ADAMTS12: variants seen among roughly 807,000 people sequenced by gnomAD.
The protein encoded by ADAMTS12 is A disintegrin and metalloproteinase with thrombospondin motifs 12.
In ADAMTS12, 118 loss-of-function variants were observed where a neutral mutation model predicts 167.8. The observed-to-expected ratio is 0.70, with a 90% CI of 0.61 to 0.82. ADAMTS12 has a LOEUF of 0.82. Ranked by LOEUF, ADAMTS12 falls within the 40% of genes least tolerant of loss-of-function variation. The pLI, the probability that ADAMTS12 is intolerant of heterozygous loss-of-function variation, is 0.00. For missense variants in ADAMTS12, 1,916 were observed against 1,998.8 expected (o/e 0.96, Z 0.79); for synonymous variants, 704 against 716.9 (o/e 0.98, Z 0.29).
At chr5:33,709,572 G>C (rs999264648) in intron 3 of ADAMTS12, among the ~76,000 whole-genome samples, 1 of 152,154 alleles carries the variant, frequency 6.6e-6, no homozygotes, top group African/African-American at 2.4e-5. Flanking sequence ...GGATGGAACT[G>C]GAAGCCATTA....
chr5:33,815,516 T>C (rs915311537), intron 2 of ADAMTS12, among the ~76,000 whole-genome samples: 2 of 152,210 alleles, frequency 1.3e-5, no homozygotes, highest in Non-Finnish European at 2.9e-5. Flanking sequence ...ATCTCAGACT[T>C]CTAGCCTTCA....
intron 3 of ADAMTS12, among the ~76,000 whole-genome samples, chr5:33,684,288 T>C (rs577802400): frequency 6.6e-6 from 1 of 151,078 alleles, no homozygotes; most frequent in Non-Finnish European, 1.5e-5. Flanking sequence ...ACCTATTACA[T>C]TAAATTATGT....
chr5:33,679,919 C>G (rs1362575341), intron 5 of ADAMTS12, among the ~76,000 whole-genome samples: 1 of 152,184 alleles, frequency 6.6e-6, no homozygotes. Context: ...CAGCACTGAA[C>G]CTCACACTCT....
In ADAMTS12 at chr5:33,829,761, G is replaced by A. The variant is rs75474108; in HGVS notation, c.489+51358C>T. Among the ~76,000 whole-genome samples the A allele has an allele frequency of 7.2e-5, 11 of 152,242 alleles. No individual in the cohort carries two copies. In the East Asian group the frequency reaches 1.2e-3, roughly 16 times the overall value. On this transcript the variant is annotated intron_variant, in intron 2 of 23. Coordinates refer to ENST00000504830, the MANE Select transcript of ADAMTS12 (RefSeq NM_030955.4). ...TTCACTTAACTAAGCAGCTGTGGTC[G>A]GAAAGTACAAATTCTCCTTTAAAAA...
chr5:33,840,262 A>G (rs995764032), intron 2 of ADAMTS12: 2 of 152,246 alleles, frequency 1.3e-5, no homozygotes, highest in Non-Finnish European at 2.9e-5. Flanking sequence ...ATCTCAGGTA[A>G]AGATATACAA....
At chr5:33,846,419 C>G (rs988195352) in intron 2 of ADAMTS12, among the ~76,000 whole-genome samples, 1 of 152,236 alleles carries the variant, frequency 6.6e-6, no homozygotes, top group African/African-American at 2.4e-5. Flanking sequence ...ACTTGAAATG[C>G]TGTAATAGCC....
chr5:33,630,678 G>T (rs1024549591), intron 13 of ADAMTS12, 102 bp downstream of exon 13: 11 of 1,245,802 alleles, frequency 8.8e-6, no homozygotes, highest in Non-Finnish European at 1.1e-6. Flanking sequence ...AAACAGATGA[G>T]GTGTAAATGC....
intron 2 of ADAMTS12, among the ~76,000 whole-genome samples, chr5:33,794,715 T>C (rs993421733): frequency 1.3e-5 from 2 of 152,172 alleles, no homozygotes; most frequent in Non-Finnish European, 2.9e-5. Context: ...TGTGAATGTA[T>C]CTCAGCAGCC....
intron 20 of ADAMTS12, among the ~76,000 whole-genome samples, chr5:33,551,684 C>T (rs1261586319): frequency 6.6e-6 from 1 of 152,136 alleles, no homozygotes; most frequent in African/African-American, 2.4e-5. Context: ...ATTAGCATTA[C>T]TCTTTTGTCA....
intron 3 of ADAMTS12, among the ~76,000 whole-genome samples, chr5:33,686,403 G>C (rs2112267630): frequency 6.6e-6 from 1 of 152,230 alleles, no homozygotes; most frequent in Middle Eastern, 3.4e-3. Context: ...AGCTGTCATG[G>C]GTGAGAAGCG....
intron 3 of ADAMTS12, among the ~76,000 whole-genome samples, chr5:33,743,857 C>G (rs544433973): frequency 6.6e-6 from 1 of 152,140 alleles, no homozygotes; most frequent in Non-Finnish European, 1.5e-5. Context: ...AGTCACAACC[C>G]TTGCCACATC....
intron 22 of ADAMTS12, among the ~76,000 whole-genome samples, chr5:33,543,170 G>A (rs1744793301): frequency 6.6e-6 from 1 of 152,150 alleles, no homozygotes; most frequent in South Asian, 2.1e-4. Flanking sequence ...AATAAAAAAT[G>A]ATACAGGGGA....
chr5:33,827,401 T>C (rs1748120348), intron 2 of ADAMTS12, among the ~76,000 whole-genome samples: 1 of 152,016 alleles, frequency 6.6e-6, no homozygotes, highest in African/African-American at 2.4e-5. Flanking sequence ...CCCCACAGTC[T>C]CTAGAGAACT....
chr5:33,533,953 AG>A (rs766364600), intron 23 of ADAMTS12, among the ~76,000 whole-genome samples: 2 of 152,202 alleles, frequency 1.3e-5, no homozygotes, highest in Non-Finnish European at 2.9e-5. Context: ...CCCAGCACAA[AG>A]GGCTATCAAA....
intron 16 of ADAMTS12, among the ~76,000 whole-genome samples, chr5:33,609,608 A>G (rs1313178927): frequency 8.5e-5 from 13 of 152,296 alleles, no homozygotes; most frequent in African/African-American, 3.1e-4. Context: ...TCCTGGGCAC[A>G]AGTGACTTCC....
intron 3 of ADAMTS12, among the ~76,000 whole-genome samples, chr5:33,690,022 C>T (rs932942725): frequency 1.6e-4 from 24 of 152,220 alleles, no homozygotes; most frequent in Non-Finnish European, 4.4e-5. Flanking sequence ...GGCGAACACA[C>T]GTTCCCACTG....
At chr5:33,701,835 C>T (rs1440494104) in intron 3 of ADAMTS12, among the ~76,000 whole-genome samples, 3 of 152,194 alleles carry the variant, frequency 2.0e-5, no homozygotes, top group Admixed American at 2.0e-4. Context: ...ATATAACCTT[C>T]AGCACAAGAT....
At chr5:33,765,967 T>C (rs997338275) in intron 2 of ADAMTS12, among the ~76,000 whole-genome samples, 1 of 152,150 alleles carries the variant, frequency 6.6e-6, no homozygotes, top group Non-Finnish European at 1.5e-5. Context: ...TAGCCGTAGG[T>C]CGTTACAATC....
At position 33,616,001 on chromosome 5, in the gene ADAMTS12, T is replaced by G. The variant is rs777896643; in HGVS notation, c.2215A>C (p.Asn739His). The G allele has an allele frequency of 1.2e-6, 2 of 1,614,040 alleles. No individual in the cohort carries two copies. Among genetic ancestry groups the G allele is most frequent in the African/African-American group, 2.7e-5 (2 of 74,932 alleles). The change falls in exon 15 of 24, where the codon AAC (asparagine) becomes CAC (histidine). Residue 739 changes from asparagine to histidine, a missense_variant. Asn to His is a moderately conservative substitution (Grantham distance 68, BLOSUM62 1). Transcript: ENST00000504830. Reference protein sequence around the residue: ...IRVMEIEGAGNFLAIRSEDPE... With the variant: ...IRVMEIEGAGHFLAIRSEDPE... ...TCTTCACTCCTGATGGCCAGGAAGT[T>G]TCCAGCTCCCTCAATTTCCATCACT... is the stretch of plus-strand genomic sequence containing the variant.
Sources: gnomAD v4.1 joint callset for allele counts (sites outside exome capture counted in the v4.1 genomes callset) on GRCh38, gnomAD v4.1.1 for gene constraint, MANE v1.5 for transcripts, NCBI Gene and HGNC (gene_info 2026-07-23, HGNC 2026-07-21) for gene names.